LPIN1: variants seen among roughly 807,000 people sequenced by gnomAD.
LPIN1 encodes lipin 1, also known as phosphatidate phosphatase LPIN1.
A neutral mutation model predicts 107.5 loss-of-function variants in LPIN1; 71 were observed. That is an observed-to-expected ratio of 0.66 (90% confidence interval 0.55 to 0.80). The LOEUF (loss-of-function observed/expected upper bound fraction) is 0.80. Ranked by LOEUF, LPIN1 falls within the 30% of genes least tolerant of loss-of-function variation. The pLI is 0.00. For missense variants in LPIN1, 1,043 were observed against 1,160.6 expected, an observed-to-expected ratio of 0.90 and a Z score of 1.47; for synonymous variants, 445 against 452.6, an observed-to-expected ratio of 0.98 and a Z score of 0.21.
chr2:11,740,147 C>T (rs975018185), intron 1 of LPIN1, among the ~76,000 whole-genome samples: 14 of 152,106 alleles, frequency 9.2e-5, no homozygotes, highest in African/African-American at 3.1e-4. Context: ...TGTCCAAGCG[C>T]GGGAGAAGGA....
Position 11,825,157 on chromosome 2 carries a change from C to G in LPIN1, c.*366C>G. On this transcript the variant is annotated 3_prime_UTR_variant, in exon 21 of 21. Coordinates refer to ENST00000674199, the MANE Select transcript of LPIN1 (RefSeq NM_001349206.2). The surrounding 1 kb of genome is among the most constrained non-coding windows in gnomAD (Gnocchi z 4.1). The stretch of plus-strand genomic sequence containing the variant: ...AGAAGGCGGCTGTCTGAGGGCTGTC[C>G]CCGCCTAGGACAGGGTCAATCGAGG... The G allele has an allele frequency of 3.0e-6, 1 of 337,958 alleles. No homozygotes were observed. 20.9% of individuals were successfully genotyped at this position (337,958 alleles called of 1,614,324 possible).
At chr2:11,766,321 G>A (rs923801467) in intron 2 of LPIN1, among the ~76,000 whole-genome samples, 4 of 152,188 alleles carry the variant, frequency 2.6e-5, no homozygotes, top group Admixed American at 2.6e-4. Flanking sequence ...CTCAAGGGGA[G>A]GAGAAATAGG....
intron 1 of LPIN1, among the ~76,000 whole-genome samples, chr2:11,699,445 G>C (rs1199935310): frequency 6.6e-6 from 1 of 152,094 alleles, no homozygotes; most frequent in Non-Finnish European, 1.5e-5. Flanking sequence ...CCCTGGGGGG[G>C]GCGTGCGGAA....
Position 11,767,812 on chromosome 2 carries a change from GA to G in LPIN1, c.243del (p.Asp82IlefsTer39), listed in dbSNP as rs1442110287. 6.2e-7 allele frequency: 1 copy of G among 1,613,238 alleles called. No homozygotes were observed. The highest frequency in any genetic ancestry group is 8.5e-7 in the Non-Finnish European group (1 of 1,179,260). On this transcript the variant is annotated frameshift_variant, in exon 3 of 21. Transcript: ENST00000674199. LOFTEE classifies it high-confidence loss of function. ...TCTGTGGATTTGCATATGAAATTGGGAGATAATGGAGAAGCATTTTTTGTTC... is the reference window on the plus strand; with the variant it reads ...TCTGTGGATTTGCATATGAAATTGGGGATAATGGAGAAGCATTTTTTGTTC... ...GESVDLHMKL[G>X]DNGEAFFVQE...
intron 1 of LPIN1, among the ~76,000 whole-genome samples, chr2:11,693,822 ATTTTTTTTTT>A (rs34409476): frequency 2.1e-4 from 4 of 18,996 alleles, no homozygotes; most frequent in African/African-American, 4.8e-4. Flanking sequence ...ATATATATAT[ATTTTTTTTTT>A]TTTTTTTTTT....
rs568970987 is a variant in LPIN1, at chr2:11,773,718, C to T, written c.695C>T (p.Ser232Leu). 1.5e-5 allele frequency: 25 copies of T among 1,614,046 alleles called. No homozygotes were observed. The East Asian group carries it at 3.3e-4, about 22-fold the overall frequency. ...CCTCAGTCAGCCTCATACCCTAATT[C>T]GGATAGAGAGTGGTCACCCACTCCC... ...IYPQSASYPNSDREWSPTPSS... is the reference protein window; with the variant it reads ...IYPQSASYPNLDREWSPTPSS... The change falls in exon 5 of 21, where the codon TCG becomes TTG. Residue 232 changes from serine to leucine, a missense_variant. Coordinates refer to ENST00000674199, the MANE Select transcript of LPIN1 (RefSeq NM_001349206.2).
intron 3 of LPIN1, among the ~76,000 whole-genome samples, chr2:11,770,648 T>C (rs572844699): frequency 1.8e-3 from 277 of 152,356 alleles, no homozygotes; most frequent in Non-Finnish European, 3.2e-3. Context: ...GTTTTATGTA[T>C]ATTCTTATTG....
intron 13 of LPIN1, among the ~76,000 whole-genome samples, chr2:11,794,790 G>A (rs977600577): frequency 5.9e-5 from 9 of 152,152 alleles, no homozygotes; most frequent in African/African-American, 2.2e-4. Context: ...AATCCCCATG[G>A]CAGCGTTAGG....
intron 1 of LPIN1, among the ~76,000 whole-genome samples, chr2:11,762,641 G>A (rs772708370): frequency 2.0e-5 from 3 of 152,188 alleles, no homozygotes; most frequent in East Asian, 3.8e-4. Context: ...AGCAGGGGAG[G>A]AAAATGAAAT....
chr2:11,810,703 T>C (rs1478340122), intron 17 of LPIN1, among the ~76,000 whole-genome samples: 2 of 152,166 alleles, frequency 1.3e-5, no homozygotes, highest in Non-Finnish European at 2.9e-5. Flanking sequence ...CTGTTGACTC[T>C]TAGTGGGTGG....
Position 11,697,059 on chromosome 2 carries a change from G to T in LPIN1, c.82-16697G>T, listed in dbSNP as rs1257794816. On this transcript the variant is annotated intron_variant, in intron 1 of 21. Coordinates refer to the LPIN1 transcript ENST00000449576. The surrounding 1 kb of genome is among the most constrained non-coding windows in gnomAD (Gnocchi z 4.6). The stretch of plus-strand genomic sequence containing the variant: ...GTCCCCCACCTGTGGCCCAGGGAAG[G>T]CTCTTTGTTCCTCAGCCCCAAGCTG... Among the ~76,000 whole-genome samples the T allele has an allele frequency of 6.6e-6, 1 of 152,254 alleles. No homozygotes were observed. The highest frequency in any genetic ancestry group is 1.5e-5 in the Non-Finnish European group (1 of 68,048).
chr2:11,769,820 G>A (rs1386603290), intron 3 of LPIN1, among the ~76,000 whole-genome samples: 1 of 152,176 alleles, frequency 6.6e-6, no homozygotes, highest in East Asian at 1.9e-4. Flanking sequence ...ACTTGAACTA[G>A]TTCCTTTCCA....
upstream of LPIN1, among the ~76,000 whole-genome samples, chr2:11,722,718 C>T (rs1471360870): frequency 1.3e-5 from 2 of 152,156 alleles, no homozygotes. Context: ...CAGTAGAATA[C>T]TGTACACTTT....
intron 10 of LPIN1, among the ~76,000 whole-genome samples, chr2:11,785,871 G>C (rs567102170): frequency 6.6e-6 from 1 of 152,262 alleles, no homozygotes; most frequent in South Asian, 2.1e-4. Flanking sequence ...TCTCACGCCC[G>C]TGCCAGCCAG....
chr2:11,692,998 C>G (rs1662348182), intron 1 of LPIN1, among the ~76,000 whole-genome samples: 1 of 152,046 alleles, frequency 6.6e-6, no homozygotes, highest in African/African-American at 2.4e-5. Context: ...AGGGACTGGC[C>G]AAATCCTACC....
chr2:11,737,256 C>T (rs1478603174), intron 1 of LPIN1, among the ~76,000 whole-genome samples: 1 of 152,144 alleles, frequency 6.6e-6, no homozygotes, highest in Non-Finnish European at 1.5e-5. Flanking sequence ...AAGACTTAAA[C>T]ATAAGACCTA....
chr2:11,709,250 G>A (rs1034147672), intron 1 of LPIN1, among the ~76,000 whole-genome samples: 8 of 152,170 alleles, frequency 5.3e-5, no homozygotes. Flanking sequence ...CAAAGAAAGG[G>A]GGTATCATTG....
At chr2:11,690,651 C>G (rs1662223487) in intron 1 of LPIN1, among the ~76,000 whole-genome samples, 1 of 152,198 alleles carries the variant, frequency 6.6e-6, no homozygotes, top group East Asian at 1.9e-4. Context: ...TTCTTAATCT[C>G]TTTGACTTGC....
At chr2:11,728,597 G>C (rs946356826) in intron 1 of LPIN1, among the ~76,000 whole-genome samples, 6 of 152,076 alleles carry the variant, frequency 3.9e-5, no homozygotes, top group African/African-American at 1.4e-4. Flanking sequence ...TGTTGCCCAG[G>C]CTGGTCTTGA....
Sources: allele counts gnomAD v4.1 joint callset (sites outside exome capture counted in the v4.1 genomes callset), GRCh38; gene constraint gnomAD v4.1.1; non-coding constraint Gnocchi (gnomAD v3.1); transcripts MANE v1.5; gene names NCBI Gene and HGNC (gene_info 2026-07-23, HGNC 2026-07-21).